GLI2: variants seen among roughly 807,000 people sequenced by gnomAD.
GLI2 encodes transcription activator GLI2.
A neutral mutation model predicts 78.9 loss-of-function variants in GLI2; 22 were observed. The observed-to-expected ratio is 0.28, with a 90% CI of 0.20 to 0.40. The LOEUF is 0.40. Ranked by LOEUF, GLI2 falls within the 10% of genes least tolerant of loss-of-function variation. The pLI, the probability that GLI2 is intolerant of heterozygous loss-of-function variation, is 1.00. For synonymous variants in GLI2, 974 were observed against 963.7 expected (o/e 1.01, Z -0.20); for missense variants, 2,097 against 2,213.2 (o/e 0.95, Z 1.05).
chr2:120,945,081 G>A (rs1257140415), intron 3 of GLI2, among the ~76,000 whole-genome samples: 1 of 152,242 alleles, frequency 6.6e-6, no homozygotes, highest in Non-Finnish European at 1.5e-5. Flanking sequence ...GGGAGGGAAA[G>A]AGGGAAGAGG....
Position 120,990,868 on chromosome 2 carries a change from C to T in GLI2, c.*193C>T, listed in dbSNP as rs1683269237. The stretch of plus-strand genomic sequence containing the variant: ...TCCTCTCTGGTCTTTTGGATTATTC[C>T]TCAGAACAATGAAAAAAGTCTCCAT... On this transcript the variant is annotated 3_prime_UTR_variant, in exon 14 of 14. Coordinates refer to ENST00000361492, the MANE Select transcript of GLI2 (RefSeq NM_001374353.1). The T allele has an allele frequency of 1.7e-6, 1 of 593,972 alleles. No individual in the cohort carries two copies. The highest frequency in any genetic ancestry group is 2.8e-5 in the East Asian group (1 of 36,110). The allele number at this position is 593,972 out of a possible 1,614,324, so 36.8% of individuals were successfully genotyped here.
intron 2 of GLI2, among the ~76,000 whole-genome samples, chr2:120,872,193 A>G (rs1688497924): frequency 6.6e-6 from 1 of 152,252 alleles, no homozygotes; most frequent in Admixed American, 6.5e-5. Flanking sequence ...GTCATGGAGC[A>G]GAGGTGAGGT....
At chr2:120,899,695 G>A (rs920399105) in intron 2 of GLI2, among the ~76,000 whole-genome samples, 3 of 152,232 alleles carry the variant, frequency 2.0e-5, no homozygotes, top group Non-Finnish European at 2.9e-5. Context: ...CACCTCTGCA[G>A]AATAGGAATG....
rs73949949 is a variant in GLI2 at position 120,874,842 on chromosome 2, G to A, written c.149-52519G>A. 1.4e-3 allele frequency among the ~76,000 whole-genome samples: 218 copies of A among 152,334 alleles called. 1 individual carries two copies. The highest frequency in any genetic ancestry group is 5.1e-3 in the African/African-American group (212 of 41,574). On this transcript the variant is annotated intron_variant, in intron 2 of 13. Coordinates refer to ENST00000361492, the MANE Select transcript of GLI2 (RefSeq NM_001374353.1). ...TGCAGCTGGGGGTGGAGGGTACTCGGTGCCTGGGAACCTCAGCTCAGTTGA... is the reference window on the plus strand; with the variant it reads ...TGCAGCTGGGGGTGGAGGGTACTCGATGCCTGGGAACCTCAGCTCAGTTGA...
At chr2:120,958,372 C>T (rs550076824) in intron 5 of GLI2, among the ~76,000 whole-genome samples, 1 of 152,262 alleles carries the variant, frequency 6.6e-6, no homozygotes, top group South Asian at 2.1e-4. Context: ...CTCTGTCCAC[C>T]TGCTGCCTAA....
chr2:120,883,325 T>TA (rs1006183395), intron 2 of GLI2, among the ~76,000 whole-genome samples: 1 of 151,962 alleles, frequency 6.6e-6, no homozygotes, highest in Non-Finnish European at 1.5e-5. Context: ...ATCTCTATTT[T>TA]AAAAAAGAAA....
intron 1 of GLI2, among the ~76,000 whole-genome samples, chr2:120,764,160 C>T (rs1347444539): frequency 6.6e-6 from 1 of 152,216 alleles, no homozygotes. Flanking sequence ...TAGGCTCTGC[C>T]CTGATGGCAC....
chr2:120,889,168 T>C (rs2104743224), intron 2 of GLI2, among the ~76,000 whole-genome samples: 1 of 152,312 alleles, frequency 6.6e-6, no homozygotes, highest in Non-Finnish European at 1.5e-5. Context: ...CCCCTGTGTC[T>C]CAGAAAAGTC....
At chr2:120,958,396 G>C (rs535656039) in intron 5 of GLI2, among the ~76,000 whole-genome samples, 1 of 152,156 alleles carries the variant, frequency 6.6e-6, no homozygotes, top group Non-Finnish European at 1.5e-5. Context: ...CAGGCCCCAG[G>C]TTCTCCCAGA....
At chr2:120,826,608 G>A (rs1340562648) in intron 2 of GLI2, among the ~76,000 whole-genome samples, 1 of 152,138 alleles carries the variant, frequency 6.6e-6, no homozygotes, top group Non-Finnish European at 1.5e-5. Context: ...GTCTAATCTT[G>A]GCAAAAGATG....
chr2:120,745,426 C>T (rs1181062169), intron 1 of GLI2, among the ~76,000 whole-genome samples: 1 of 152,158 alleles, frequency 6.6e-6, no homozygotes, highest in African/African-American at 2.4e-5. Context: ...AGGAAGGAGA[C>T]AGATTGTCCA....
Position 120,787,076 on chromosome 2 carries a change from C to T in GLI2, c.-30-10215C>T, listed in dbSNP as rs556592827. On this transcript the variant is annotated intron_variant, in intron 1 of 13. Transcript: ENST00000361492. ...TAGTTAAAACACAATGAGATAGGAG[C>T]CTTGACCTTGGCAGGCACACAGGCA... Among the ~76,000 whole-genome samples, 14 of 152,326 alleles carry T rather than the reference C, an allele frequency of 9.2e-5. No homozygotes were observed. The East Asian group carries it at 2.5e-3, about 27-fold the overall frequency.
At chr2:120,975,225 G>T (rs1325825517) in intron 9 of GLI2, 116 bp downstream of exon 9, 23 of 963,944 alleles carry the variant, frequency 2.4e-5, no homozygotes, top group Admixed American at 4.5e-5. Flanking sequence ...GACCCCCAGA[G>T]ATGCCTGGGC....
chr2:120,868,861 G>A (rs1227928947), intron 2 of GLI2, among the ~76,000 whole-genome samples: 3 of 152,196 alleles, frequency 2.0e-5, no homozygotes, highest in Non-Finnish European at 4.4e-5. Flanking sequence ...TCTTCTGAGA[G>A]GGAAAGAGGA....
In GLI2 at chr2:120,988,721, G is replaced by C; in HGVS notation, c.2756G>C (p.Gly919Ala). 3 of 1,199,148 alleles carry C rather than the reference G, an allele frequency of 2.5e-6. No homozygotes were observed. The highest frequency in any genetic ancestry group is 3.1e-6 in the Non-Finnish European group (3 of 964,650). The allele number at this position is 1,199,148 out of a possible 1,614,324, so 74.3% of individuals were successfully genotyped here. ...CCCGCCGGCTGCCCACGCCCACTGG[G>C]GCCGCGGCGTGGCAGCGACGGGCCG... ...TLPAGCPRPL[G>A]PRRGSDGPTY... is the part of the protein sequence containing the mutation. The change falls in exon 14 of 14, where the codon GGG becomes GCG. Residue 919 changes from glycine (G) to alanine (A), a missense_variant. Around this residue, in one of 5 missense-constraint regions of GLI2, gnomAD observed 1,290 missense variants for 1,261.7 expected, o/e 1.02. Coordinates refer to ENST00000361492, the MANE Select transcript of GLI2 (RefSeq NM_001374353.1).
At chr2:120,774,598 C>A (rs768047679) in intron 1 of GLI2, among the ~76,000 whole-genome samples, 3 of 152,210 alleles carry the variant, frequency 2.0e-5, no homozygotes, top group Non-Finnish European at 2.9e-5. Context: ...CATCACCAGG[C>A]TGTTTTACTA....
chr2:120,968,382 C>T (rs748598142), intron 5 of GLI2, among the ~76,000 whole-genome samples: 2 of 152,132 alleles, frequency 1.3e-5, no homozygotes, highest in African/African-American at 4.8e-5. Context: ...CGTGCACACT[C>T]CTGTCATGAG....
chr2:120,955,549 C>G (rs866623443), intron 5 of GLI2, 119 bp downstream of exon 5: 11 of 657,760 alleles, frequency 1.7e-5, no homozygotes, highest in Middle Eastern at 4.1e-4. Context: ...GGGCTGTACC[C>G]CAATGCCTTC....
intron 2 of GLI2, among the ~76,000 whole-genome samples, chr2:120,836,984 A>G (rs528715297): frequency 1.3e-5 from 2 of 152,336 alleles, no homozygotes; most frequent in African/African-American, 4.8e-5. Flanking sequence ...CTCTTTTGCA[A>G]CGTATTGGAC....
Sources: allele counts gnomAD v4.1 joint callset (sites outside exome capture counted in the v4.1 genomes callset), GRCh38; gene constraint gnomAD v4.1.1; regional missense constraint gnomAD v4.1.1; transcripts MANE v1.5; gene names NCBI Gene and HGNC (gene_info 2026-07-23, HGNC 2026-07-21).